Variants in SLC35F3 observed in about 807,000 individuals in gnomAD.
SLC35F3 encodes putative thiamine transporter SLC35F3.
Under a neutral mutation model 49.9 loss-of-function variants are expected in SLC35F3, and 25 were observed. That is an observed-to-expected ratio of 0.50 (90% CI 0.37 to 0.70). The LOEUF (loss-of-function observed/expected upper bound fraction) is 0.70. Among genes scored for constraint, SLC35F3 ranks in the 30% least tolerant of loss-of-function variants. The probability of loss-of-function intolerance (pLI) is 0.00; values close to 1 mark genes in which losing one functional copy is unlikely to be tolerated. For missense variants in SLC35F3, 525 were observed against 639.8 expected (o/e 0.82, Z 1.94); for synonymous variants, 275 against 265.4 (o/e 1.04, Z -0.35).
At chr1:234,270,828 A>G (rs1668086843) in intron 3 of SLC35F3, among the ~76,000 whole-genome samples, 1 of 152,222 alleles carries the variant, frequency 6.6e-6, no homozygotes, top group South Asian at 2.1e-4. Flanking sequence ...AGGGCTTGTC[A>G]AGGTGGGAGG....
intron 2 of SLC35F3, among the ~76,000 whole-genome samples, chr1:233,996,547 G>A (rs917949017): frequency 2.0e-4 from 31 of 151,852 alleles, no homozygotes; most frequent in Non-Finnish European, 7.4e-5. Context: ...GGACTTGGGG[G>A]GAATTTGTGG....
intron 3 of SLC35F3, among the ~76,000 whole-genome samples, chr1:234,280,794 G>A (rs968309506): frequency 6.6e-6 from 1 of 152,120 alleles, no homozygotes; most frequent in African/African-American, 2.4e-5. Flanking sequence ...TTTGCAAATG[G>A]GGAAACTGAG....
intron 3 of SLC35F3, chr1:234,268,697 T>C (rs1472298102): frequency 1.3e-5 from 2 of 152,242 alleles, no homozygotes; most frequent in Non-Finnish European, 2.9e-5. Flanking sequence ...TACCCAAGAC[T>C]GAGACATCAA....
intron 2 of SLC35F3, among the ~76,000 whole-genome samples, chr1:234,230,949 G>A (rs1667357491): frequency 6.6e-6 from 1 of 152,192 alleles, no homozygotes; most frequent in Admixed American, 6.5e-5. Context: ...ACCTCCCCCT[G>A]TAGGAATCTC....
chr1:234,226,246 C>T (rs1323583182), intron 2 of SLC35F3, among the ~76,000 whole-genome samples: 1 of 152,170 alleles, frequency 6.6e-6, no homozygotes. Flanking sequence ...GGCATCATCT[C>T]CCATTTCCTG....
At position 234,096,533 on chromosome 1, in the gene SLC35F3, C is replaced by T. The variant is rs1572050269; in HGVS notation, c.284-134884C>T. On this transcript the variant is annotated intron_variant, in intron 2 of 7. Transcript: ENST00000366618. ...TCTATCTTGACAGGTTTGCCTCTCT[C>T]CACAGCAGAACATGAGTGTCTTTAT... 2.0e-5 allele frequency among the ~76,000 whole-genome samples: 3 copies of T among 152,188 alleles called. No homozygotes were observed. The South Asian group carries it at 6.2e-4, about 32-fold the overall frequency.
intron 2 of SLC35F3, among the ~76,000 whole-genome samples, chr1:234,045,445 G>A (rs535924135): frequency 4.6e-4 from 70 of 152,196 alleles, no homozygotes; most frequent in African/African-American, 1.6e-3. Context: ...CTCTGAAGTA[G>A]GTGTATTACT....
intron 2 of SLC35F3, among the ~76,000 whole-genome samples, chr1:234,198,021 T>G (rs535049605): frequency 6.6e-6 from 1 of 152,334 alleles, no homozygotes; most frequent in East Asian, 1.9e-4. Context: ...GATTTTTCTG[T>G]CACCTGTGAT....
intron 2 of SLC35F3, among the ~76,000 whole-genome samples, chr1:233,914,784 T>A (rs1661941684): frequency 6.6e-6 from 1 of 152,128 alleles, no homozygotes; most frequent in Non-Finnish European, 1.5e-5. Flanking sequence ...ATGATGTCTT[T>A]TGGTTCAAAG....
At chr1:233,972,135 T>C (rs1663005472) in intron 2 of SLC35F3, among the ~76,000 whole-genome samples, 3 of 152,180 alleles carry the variant, frequency 2.0e-5, no homozygotes, top group Non-Finnish European at 4.4e-5. Context: ...TGGCTGCAAA[T>C]GTGTGATTGT....
chr1:234,296,894 C>T (rs484394), intron 3 of SLC35F3, among the ~76,000 whole-genome samples: 44,768 of 152,114 alleles, frequency 0.29, 7,187 homozygotes, highest in South Asian at 0.35. Context: ...ACTAAAATTT[C>T]TTGTAGGCTG....
At chr1:234,197,993 T>C (rs1666840737) in intron 2 of SLC35F3, among the ~76,000 whole-genome samples, 1 of 152,236 alleles carries the variant, frequency 6.6e-6, no homozygotes, top group South Asian at 2.1e-4. Flanking sequence ...AGCACTTGGC[T>C]GTGAGAAGCC....
chr1:234,202,314 A>ATGCTCAGG (rs1428597151), intron 2 of SLC35F3, among the ~76,000 whole-genome samples: 1 of 152,208 alleles, frequency 6.6e-6, no homozygotes, highest in Non-Finnish European at 1.5e-5. Context: ...GTGTGTGCAA[A>ATGCTCAGG]TGCTCAGGGC....
At chr1:234,004,261 C>G (rs1198115475) in intron 2 of SLC35F3, among the ~76,000 whole-genome samples, 1 of 152,114 alleles carries the variant, frequency 6.6e-6, no homozygotes, top group African/African-American at 2.4e-5. Context: ...AAACAAAACA[C>G]ATTCAGAAGG....
chr1:234,271,009 A>G (rs189155175), intron 3 of SLC35F3, among the ~76,000 whole-genome samples: 22 of 152,388 alleles, frequency 1.4e-4, no homozygotes, highest in Admixed American at 1.1e-3. Context: ...CCAGCAACAC[A>G]ACTCCAACAG....
intron 2 of SLC35F3, among the ~76,000 whole-genome samples, chr1:234,198,622 A>G (rs1175726381): frequency 6.6e-6 from 1 of 151,542 alleles, no homozygotes; most frequent in Non-Finnish European, 1.5e-5. Flanking sequence ...TTTTAAAATT[A>G]ATTAGTTTTG....
At chr1:234,303,814 G>C (rs1225076993) in intron 3 of SLC35F3, among the ~76,000 whole-genome samples, 2 of 151,922 alleles carry the variant, frequency 1.3e-5, no homozygotes, top group Non-Finnish European at 2.9e-5. Context: ...CCTTGTTGTG[G>C]TTCTTTCTTT....
chr1:234,100,081 A>T (rs947391949), intron 2 of SLC35F3, among the ~76,000 whole-genome samples: 1 of 152,246 alleles, frequency 6.6e-6, no homozygotes, highest in Non-Finnish European at 1.5e-5. Flanking sequence ...TTAATTCTTA[A>T]TCAAGTATAT....
chr1:233,933,035 TAAAAAA>T (rs59669736), intron 2 of SLC35F3, among the ~76,000 whole-genome samples: 1 of 134,944 alleles, frequency 7.4e-6, no homozygotes, highest in South Asian at 2.4e-4. Context: ...GCTATTTAAG[TAAAAAA>T]AAAAAAAAAA....
Sources: allele counts gnomAD v4.1 joint callset (sites outside exome capture counted in the v4.1 genomes callset), GRCh38; gene constraint gnomAD v4.1.1; transcripts MANE v1.5; gene names NCBI Gene and HGNC (gene_info 2026-07-23, HGNC 2026-07-21).